GRM5: variants seen among roughly 807,000 people sequenced by gnomAD.
GRM5 encodes glutamate metabotropic receptor 5.
In GRM5, 19 loss-of-function variants were observed where a neutral mutation model predicts 83.1. The observed-to-expected ratio is 0.23, with a 90% CI of 0.16 to 0.34. GRM5 has a LOEUF of 0.34. Among genes scored for constraint, GRM5 ranks in the 10% least tolerant of loss-of-function variants. The pLI, the probability that GRM5 is intolerant of heterozygous loss-of-function variation, is 1.00. For missense variants in GRM5, 1,160 were observed against 1,588.3 expected (o/e 0.73, Z 4.58); for synonymous variants, 675 against 633.6 (o/e 1.07, Z -0.98).
chr11:88,781,320 C>T (rs1005425537), intron 3 of GRM5, among the ~76,000 whole-genome samples: 4 of 151,970 alleles, frequency 2.6e-5, no homozygotes, highest in African/African-American at 4.8e-5. Flanking sequence ...TTAAAATATG[C>T]TCTGAGAATC....
intron 7 of GRM5, among the ~76,000 whole-genome samples, chr11:88,581,923 A>G (rs993669008): frequency 6.6e-6 from 1 of 151,890 alleles, no homozygotes; most frequent in Non-Finnish European, 1.5e-5. Context: ...CCTGGTTAGC[A>G]TCTTATTTTC....
chr11:88,621,478 C>G (rs1938632486), intron 4 of GRM5, among the ~76,000 whole-genome samples: 2 of 152,124 alleles, frequency 1.3e-5, no homozygotes, highest in Non-Finnish European at 2.9e-5. Context: ...ATAATACTTT[C>G]TTTTAGAGTT....
chr11:88,667,631 C>T (rs187117569), intron 3 of GRM5, among the ~76,000 whole-genome samples: 10 of 152,202 alleles, frequency 6.6e-5, no homozygotes, highest in East Asian at 1.9e-4. Flanking sequence ...CAGTGGCTCA[C>T]GCCTGTAATC....
intron 4 of GRM5, among the ~76,000 whole-genome samples, chr11:88,606,797 T>C (rs942833040): frequency 1.3e-5 from 2 of 151,816 alleles, no homozygotes; most frequent in African/African-American, 4.8e-5. Context: ...GGAAGTGAAA[T>C]CTATTTCCAG....
At chr11:88,921,149 T>A (rs1288809351) in intron 2 of GRM5, among the ~76,000 whole-genome samples, 1 of 151,752 alleles carries the variant, frequency 6.6e-6, no homozygotes, top group East Asian at 1.9e-4. Context: ...TTAAAAAAAA[T>A]CATTCACCAT....
At chr11:89,051,793 A>C (rs1050358757) in intron 1 of GRM5, among the ~76,000 whole-genome samples, 2 of 152,240 alleles carry the variant, frequency 1.3e-5, no homozygotes, top group African/African-American at 2.4e-5. Context: ...ATTCAATCTT[A>C]GAAAGGATTA....
chr11:88,511,740 C>A (rs561709561), intron 9 of GRM5: 2 of 152,322 alleles, frequency 1.3e-5, no homozygotes, highest in South Asian at 2.1e-4. Flanking sequence ...TATTACAATT[C>A]TTTTTCCCAG....
chr11:88,692,758 G>A (rs1391228496), intron 3 of GRM5, among the ~76,000 whole-genome samples: 6 of 152,188 alleles, frequency 3.9e-5, no homozygotes, highest in Non-Finnish European at 5.9e-5. Context: ...AGCTACTCCT[G>A]AAGATGTCAC....
chr11:88,693,401 C>T (rs569708757), intron 3 of GRM5, among the ~76,000 whole-genome samples: 2 of 152,196 alleles, frequency 1.3e-5, no homozygotes, highest in South Asian at 2.1e-4. Flanking sequence ...AAAAGCCTTT[C>T]GAGGAAGCAG....
intron 2 of GRM5, among the ~76,000 whole-genome samples, chr11:88,940,691 A>T (rs1938061216): frequency 6.6e-6 from 1 of 151,974 alleles, no homozygotes; most frequent in African/African-American, 2.4e-5. Flanking sequence ...AGTATAGCAT[A>T]AAAATAAAAA....
intron 2 of GRM5, among the ~76,000 whole-genome samples, chr11:88,870,853 G>C (rs1218530304): frequency 6.6e-6 from 1 of 151,498 alleles, no homozygotes; most frequent in Non-Finnish European, 1.5e-5. Context: ...GCTTACGCCA[G>C]AGCTTTTGCT....
At chr11:88,947,256 G>A (rs1379984227) in intron 2 of GRM5, among the ~76,000 whole-genome samples, 2 of 151,990 alleles carry the variant, frequency 1.3e-5, no homozygotes, top group Admixed American at 6.6e-5. Context: ...GTTCTTGCAT[G>A]TTAATGTTTA....
intron 2 of GRM5, among the ~76,000 whole-genome samples, chr11:89,008,596 C>A (rs1355528105): frequency 6.6e-6 from 1 of 152,036 alleles, no homozygotes. Flanking sequence ...TAATTGAACT[C>A]AAAGAACACA....
intron 2 of GRM5, among the ~76,000 whole-genome samples, chr11:89,011,704 CCTACAG>C (rs1168128363): frequency 6.6e-6 from 1 of 152,170 alleles, no homozygotes; most frequent in East Asian, 1.9e-4. Context: ...CATGAAGCAG[CCTACAG>C]CATCTTGACC....
rs10588925 is a variant in GRM5, at chr11:88,951,076, AGTGT to A, written c.661+96132_661+96135del. ...TTCTTTTTCTCAAATGGCAGATTAG[AGTGT>A]GTGTGTGTGTGTGTATCTGTGTGTG... is the stretch of plus-strand genomic sequence containing the variant. On this transcript the variant is annotated intron_variant, in intron 2 of 9. Transcript: ENST00000305447. Among the ~76,000 whole-genome samples the A allele has an allele frequency of 1.5e-3, 222 of 151,100 alleles. 1 individual carries two copies. Among genetic ancestry groups the A allele is most frequent in the African/African-American group, 5.1e-3 (211 of 41,190 alleles).
At chr11:88,574,703 G>T (rs1407645432) in intron 7 of GRM5, among the ~76,000 whole-genome samples, 1 of 152,140 alleles carries the variant, frequency 6.6e-6, no homozygotes, top group African/African-American at 2.4e-5. Context: ...GGAGATGGAG[G>T]TTGCAGTGAG....
intron 2 of GRM5, among the ~76,000 whole-genome samples, chr11:88,888,543 C>T (rs1450424407): frequency 6.6e-6 from 1 of 152,070 alleles, no homozygotes; most frequent in Non-Finnish European, 1.5e-5. Flanking sequence ...GTTAATTTAC[C>T]CAAACCTTAA....
At chr11:88,541,449 T>A (rs1328502298) in intron 8 of GRM5, among the ~76,000 whole-genome samples, 1 of 152,200 alleles carries the variant, frequency 6.6e-6, no homozygotes, top group Non-Finnish European at 1.5e-5. Flanking sequence ...TAGACACAGA[T>A]ACATGTATAT....
intron 5 of GRM5, among the ~76,000 whole-genome samples, chr11:88,603,761 G>A (rs1938065134): frequency 3.3e-5 from 5 of 152,194 alleles, no homozygotes; most frequent in African/African-American, 9.7e-5. Flanking sequence ...GAATGTAGAA[G>A]TGTGATAAAC....
Sources: gnomAD v4.1 joint callset for allele counts (sites outside exome capture counted in the v4.1 genomes callset) on GRCh38, gnomAD v4.1.1 for gene constraint, MANE v1.5 for transcripts, NCBI Gene and HGNC (gene_info 2026-07-23, HGNC 2026-07-21) for gene names.